Variants in ABR observed in about 807,000 individuals in gnomAD.
ABR encodes active breakpoint cluster region-related protein.
ABR carries 35 observed loss-of-function variants against 107.2 expected under a neutral mutation model. The ratio of observed to expected loss-of-function variants is 0.33; its 90% CI spans 0.25 to 0.43. The LOEUF (loss-of-function observed/expected upper bound fraction) is 0.43. Ranked by LOEUF, ABR falls within the 20% of genes least tolerant of loss-of-function variation. ABR has a pLI of 1.00. For missense variants in ABR, 815 were observed against 1,115.2 expected (o/e 0.73, Z 3.83); for synonymous variants, 498 against 462.0 (o/e 1.08, Z -1.00).
At chr17:1,119,853 C>T (rs892554765) in intron 2 of ABR, among the ~76,000 whole-genome samples, 7 of 152,194 alleles carry the variant, frequency 4.6e-5, no homozygotes, top group Non-Finnish European at 7.3e-5. Flanking sequence ...CACGCTGCCC[C>T]ACTGGCTGCA....
At chr17:1,022,069 T>C (rs2150827670) in intron 16 of ABR, among the ~76,000 whole-genome samples, 1 of 130,770 alleles carries the variant, frequency 7.6e-6, no homozygotes, top group East Asian at 2.4e-4. Flanking sequence ...ATAGCACCAC[T>C]GCACTCCAGC....
At chr17:1,146,184 G>A (rs968817210) in intron 1 of ABR, among the ~76,000 whole-genome samples, 1 of 151,830 alleles carries the variant, frequency 6.6e-6, no homozygotes, top group Non-Finnish European at 1.5e-5. Flanking sequence ...GCAAAGCTAG[G>A]TGTGCGCGGA....
Position 1,055,953 on chromosome 17 carries a change from G to A in ABR, c.1561+82C>T, listed in dbSNP as rs553829033. ...AGGGGAATGCCCCATGTCTAAAGGC[G>A]TGCTGGCAGGGCCCCATCCTGGGCA... On this transcript the variant is annotated intron_variant, in intron 14 of 22. Coordinates refer to ENST00000302538, the MANE Select transcript of ABR (RefSeq NM_021962.5). 24 of 1,353,276 alleles carry A rather than the reference G, an allele frequency of 1.8e-5. No individual in the cohort carries two copies. The East Asian group carries it at 1.9e-4, about 10-fold the overall frequency. The allele number at this position is 1,353,276 out of a possible 1,614,324, so 83.8% of individuals were successfully genotyped here. A position where few individuals can be genotyped will look rare whatever the true frequency, so the allele number is the denominator to read the frequency against.
At chr17:1,009,147 A>G (rs2070302529) in intron 21 of ABR, among the ~76,000 whole-genome samples, 1 of 151,764 alleles carries the variant, frequency 6.6e-6, no homozygotes, top group Non-Finnish European at 1.5e-5. Flanking sequence ...AAGGCTTACA[A>G]TGTATCCTCC....
intron 16 of ABR, 39 bp from the exon 17 acceptor site, chr17:1,013,203 G>C: frequency 6.2e-7 from 1 of 1,600,136 alleles, no homozygotes; most frequent in Non-Finnish European, 8.6e-7. Flanking sequence ...GTGCCAGCTC[G>C]GAGGCCAAGC....
At position 1,093,749 on chromosome 17, in the gene ABR, C is replaced by T. The variant is rs1219841632; in HGVS notation, c.346-1899G>A. 2.6e-5 allele frequency among the ~76,000 whole-genome samples: 4 copies of T among 152,310 alleles called. No homozygotes were observed. In the East Asian group the frequency reaches 7.7e-4, roughly 29 times the overall value. On this transcript the variant is annotated intron_variant, in intron 3 of 22. Coordinates refer to ENST00000302538, the MANE Select transcript of ABR (RefSeq NM_021962.5). ...ACTCCCAGCCCAGCCTCACTCCAGC[C>T]TCACATCACCTCATTCTGATGAAGT...
exon 1 of ABR, among the ~76,000 whole-genome samples, chr17:1,229,662 C>T (rs2043300108): frequency 6.6e-6 from 1 of 152,062 alleles, no homozygotes; most frequent in Non-Finnish European, 1.5e-5. Context: ...GACCCTTCCC[C>T]GCGGCCCCCG....
intron 16 of ABR, chr17:1,031,882 C>T (rs1597455947): frequency 8.7e-7 from 1 of 1,148,614 alleles, no homozygotes; most frequent in Non-Finnish European, 1.1e-6. Context: ...GCGCTCCCCT[C>T]CCTCCCTCCC....
chr17:1,140,923 G>C (rs2040260141), intron 1 of ABR, among the ~76,000 whole-genome samples: 1 of 151,780 alleles, frequency 6.6e-6, no homozygotes. Flanking sequence ...GCAGTGAGCT[G>C]AGATCGCACC....
intron 16 of ABR, among the ~76,000 whole-genome samples, chr17:1,014,675 A>T (rs926270132): frequency 7.3e-6 from 1 of 137,916 alleles, no homozygotes; most frequent in Non-Finnish European, 1.6e-5. Context: ...CGTCTCTACT[A>T]AAAAAAAAAA....
At chr17:1,136,196 A>G (rs2040056069) in intron 1 of ABR, among the ~76,000 whole-genome samples, 1 of 152,098 alleles carries the variant, frequency 6.6e-6, no homozygotes, top group African/African-American at 2.4e-5. Context: ...GTCTACATTG[A>G]AAATCTGATC....
At chr17:1,080,609 T>G (rs1235506045) in intron 5 of ABR, among the ~76,000 whole-genome samples, 1 of 152,044 alleles carries the variant, frequency 6.6e-6, no homozygotes, top group East Asian at 1.9e-4. Flanking sequence ...GCCCAGGTGA[T>G]GAGGCCAAGG....
intron 1 of ABR, among the ~76,000 whole-genome samples, chr17:1,223,705 C>G (rs2043162112): frequency 6.6e-6 from 1 of 152,146 alleles, no homozygotes; most frequent in Non-Finnish European, 1.5e-5. Context: ...GGGGAGGCCT[C>G]AGGAAACTTA....
chr17:1,100,048 C>T (rs1245437525), intron 3 of ABR, among the ~76,000 whole-genome samples: 2 of 151,194 alleles, frequency 1.3e-5, no homozygotes, highest in Non-Finnish European at 2.9e-5. Context: ...ATCACTTGAA[C>T]CCGGGAGGCA....
At chr17:1,108,996 C>T in intron 2 of ABR, 1 of 1,599,030 alleles carries the variant, frequency 6.3e-7, no homozygotes, top group Non-Finnish European at 8.5e-7. Flanking sequence ...AGCTCGCACT[C>T]CTCCAGGAGA....
At chr17:1,172,517 G>A (rs1392825636) in intron 1 of ABR, among the ~76,000 whole-genome samples, 2 of 152,182 alleles carry the variant, frequency 1.3e-5, no homozygotes, top group Non-Finnish European at 2.9e-5. Context: ...TTGGGAGGCC[G>A]AGATGGGTGG....
chr17:1,097,782 TA>T (rs1395753255), intron 3 of ABR, among the ~76,000 whole-genome samples: 1 of 152,156 alleles, frequency 6.6e-6, no homozygotes, highest in Non-Finnish European at 1.5e-5. Context: ...TCCTTTCAAA[TA>T]CACACCCTGT....
At chr17:1,125,421 G>A in intron 1 of ABR, 54 bp from the exon 2 acceptor site, 3 of 1,589,380 alleles carry the variant, frequency 1.9e-6, no homozygotes, top group Non-Finnish European at 1.7e-6. Flanking sequence ...AGCTGCCAGG[G>A]ACTGGTAGCG....
At chr17:1,063,350 T>G in intron 10 of ABR, among the ~76,000 whole-genome samples, 1 of 128,208 alleles carries the variant, frequency 7.8e-6, no homozygotes, top group Non-Finnish European at 1.7e-5. Flanking sequence ...ACACTGTTGT[T>G]ACGTGAACTG....
Sources: gnomAD v4.1 joint callset for allele counts (sites outside exome capture counted in the v4.1 genomes callset) on GRCh38, gnomAD v4.1.1 for gene constraint, MANE v1.5 for transcripts, NCBI Gene and HGNC (gene_info 2026-07-23, HGNC 2026-07-21) for gene names.